The following PALS2 variants were observed in gnomAD, a reference collection of about 807,000 sequenced individuals.
The protein encoded by PALS2 is protein PALS2.
A neutral mutation model predicts 61.6 loss-of-function variants in PALS2; 27 were observed. The ratio of observed to expected loss-of-function variants is 0.44; its 90% confidence interval spans 0.32 to 0.60. The LOEUF (loss-of-function observed/expected upper bound fraction) is 0.60, where lower values mean the gene tolerates loss of function less well. Among genes scored for constraint, PALS2 ranks in the 20% least tolerant of loss-of-function variants. PALS2 has a pLI of 0.05. For missense variants in PALS2, 554 were observed against 639.4 expected (o/e 0.87, Z 1.44); for synonymous variants, 236 against 218.6 (o/e 1.08, Z -0.70).
chr7:24,632,795 G>A (rs1785055201), intron 2 of PALS2, among the ~76,000 whole-genome samples: 1 of 151,928 alleles, frequency 6.6e-6, no homozygotes, highest in Non-Finnish European at 1.5e-5. Context: ...CTGCTTGCCT[G>A]CCTGCCTTCC....
At chr7:24,673,326 A>G (rs879682108) in intron 9 of PALS2, among the ~76,000 whole-genome samples, 11 of 152,028 alleles carry the variant, frequency 7.2e-5, no homozygotes, top group Non-Finnish European at 1.3e-4. Context: ...GGATTTTTGC[A>G]TCTATATTTA....
intron 11 of PALS2, among the ~76,000 whole-genome samples, chr7:24,682,327 T>C (rs962725029): frequency 3.3e-5 from 5 of 152,182 alleles, no homozygotes; most frequent in Non-Finnish European, 2.9e-5. Flanking sequence ...TGTACCAATG[T>C]GCAGGTTGGT....
At chr7:24,679,393 G>A (rs1787798290) in intron 10 of PALS2, 60 bp downstream of exon 10, 12 of 1,554,762 alleles carry the variant, frequency 7.7e-6, no homozygotes, top group South Asian at 5.9e-5. Context: ...TTTTTTTCAT[G>A]TGTGTCGGGG....
chr7:24,646,617 T>C (rs982267413), intron 3 of PALS2, among the ~76,000 whole-genome samples: 7 of 152,208 alleles, frequency 4.6e-5, no homozygotes, highest in African/African-American at 1.7e-4. Context: ...AGTTTTCTTT[T>C]TCTGTTGTGT....
chr7:24,580,894 T>G (rs980575961), intron 1 of PALS2, among the ~76,000 whole-genome samples: 4 of 152,250 alleles, frequency 2.6e-5, no homozygotes, highest in African/African-American at 9.6e-5. Context: ...CCACACATTA[T>G]CTCATCTGCT....
chr7:24,692,729 C>T lies in PALS2; in HGVS notation c.*5115C>T, dbSNP rs917921880. 1 of 152,134 alleles carries T rather than the reference C, an allele frequency of 6.6e-6. No homozygotes were observed. The highest frequency in any genetic ancestry group is 2.4e-5 in the African/African-American group (1 of 41,426). 9.4% of individuals were successfully genotyped at this position (152,134 alleles called of 1,614,324 possible). A position where few individuals can be genotyped will look rare whatever the true frequency, so the allele number is the denominator to read the frequency against. ...CCAACCAGACCACTCACAAATCAAA[C>T]AAAATGTAAGCAAGCAATCCAGTAC... is the stretch of plus-strand genomic sequence containing the variant. On this transcript the variant is annotated 3_prime_UTR_variant, in exon 12 of 12. Transcript: ENST00000222644.
At chr7:24,612,233 C>G (rs528032000) in intron 1 of PALS2, among the ~76,000 whole-genome samples, 74 of 151,886 alleles carry the variant, frequency 4.9e-4, no homozygotes, top group Non-Finnish European at 9.3e-4. Context: ...TTTACTGAAC[C>G]CTAGGCCCAC....
chr7:24,649,197 A>G (rs1244972516), intron 3 of PALS2, among the ~76,000 whole-genome samples: 1 of 152,106 alleles, frequency 6.6e-6, no homozygotes, highest in African/African-American at 2.4e-5. Context: ...TAGCAATGTT[A>G]GGTAAAAATG....
intron 1 of PALS2, among the ~76,000 whole-genome samples, chr7:24,601,753 G>C (rs1228323509): frequency 6.6e-6 from 1 of 152,064 alleles, no homozygotes; most frequent in Non-Finnish European, 1.5e-5. Context: ...GCAGGGTAAA[G>C]AATTCCTGGG....
intron 1 of PALS2, among the ~76,000 whole-genome samples, chr7:24,601,659 GT>G (rs1562607421): frequency 6.6e-6 from 1 of 151,934 alleles, no homozygotes; most frequent in Non-Finnish European, 1.5e-5. Context: ...GAGGAAAAGT[GT>G]TTGTGGTAGG....
At chr7:24,576,479 G>A (rs531920185) in intron 1 of PALS2, among the ~76,000 whole-genome samples, 4 of 152,264 alleles carry the variant, frequency 2.6e-5, no homozygotes, top group African/African-American at 9.6e-5. Context: ...CTCAATCAAG[G>A]TGTTTAATGA....
chr7:24,610,366 A>G (rs1562612718), intron 1 of PALS2, among the ~76,000 whole-genome samples: 1 of 152,066 alleles, frequency 6.6e-6, no homozygotes, highest in Non-Finnish European at 1.5e-5. Context: ...ACATGTGTTT[A>G]TACATTTTGG....
At chr7:24,582,365 A>T (rs1319320496) in intron 1 of PALS2, among the ~76,000 whole-genome samples, 1 of 152,110 alleles carries the variant, frequency 6.6e-6, no homozygotes, top group African/African-American at 2.4e-5. Flanking sequence ...ACAGCATCCA[A>T]TCTGGTGATA....
intron 2 of PALS2, among the ~76,000 whole-genome samples, chr7:24,640,661 C>G (rs1378797094): frequency 6.6e-6 from 1 of 152,114 alleles, no homozygotes; most frequent in East Asian, 1.9e-4. Context: ...GCTTAGTGTT[C>G]ATTCTCAATT....
In PALS2 at chr7:24,660,090, C is replaced by T. The variant is rs553867343; in HGVS notation, c.652-3500C>T. Among the ~76,000 whole-genome samples the T allele has an allele frequency of 2.0e-5, 3 of 152,290 alleles. No homozygotes were observed. In the South Asian group the frequency reaches 6.2e-4, roughly 32 times the overall value. ...GATCACTATCTTCATTGCCTGATCT[C>T]GGACATCTTGAAAGACATTGTTTCA... is the stretch of plus-strand genomic sequence containing the variant. On this transcript the variant is annotated intron_variant, in intron 5 of 11. Transcript: ENST00000222644.
At chr7:24,583,519 C>T (rs1782929970) in intron 1 of PALS2, among the ~76,000 whole-genome samples, 1 of 152,092 alleles carries the variant, frequency 6.6e-6, no homozygotes, top group Non-Finnish European at 1.5e-5. Context: ...TTCACCATTA[C>T]TTTCTTGAAA....
rs2529086 is a variant in PALS2 at position 24,688,945 on chromosome 7, T to C, written c.*1331T>C. The C allele has an allele frequency of 0.51, 76,749 of 151,316 alleles. 23,010 individuals carry two copies. Among genetic ancestry groups the C allele is most frequent in the African/African-American group, 0.82 (33,889 of 41,176 alleles). The allele number at this position is 151,316 out of a possible 1,614,324, so 9.4% of individuals were successfully genotyped here. A position where few individuals can be genotyped will look rare whatever the true frequency, so the allele number is the denominator to read the frequency against. ...TCTCGTGCCTCAGCCTCCCAAGTAA[T>C]TGAGATTACAGTTGGGTGCCACCAT... On this transcript the variant is annotated 3_prime_UTR_variant, in exon 12 of 12. Coordinates refer to ENST00000222644, the MANE Select transcript of PALS2 (RefSeq NM_001303037.2).
chr7:24,628,529 G>C (rs1436790155), intron 2 of PALS2, among the ~76,000 whole-genome samples: 2 of 152,110 alleles, frequency 1.3e-5, no homozygotes, highest in African/African-American at 4.8e-5. Context: ...AGGAAATAAA[G>C]CGTATTCAAA....
intron 9 of PALS2, among the ~76,000 whole-genome samples, chr7:24,672,687 A>G (rs1787361489): frequency 6.6e-6 from 1 of 151,822 alleles, no homozygotes; most frequent in Admixed American, 6.6e-5. Flanking sequence ...TATTTTCTTA[A>G]TTTCCTTTTT....
Sources: gnomAD v4.1 joint callset for allele counts (sites outside exome capture counted in the v4.1 genomes callset) on GRCh38, gnomAD v4.1.1 for gene constraint, MANE v1.5 for transcripts, NCBI Gene and HGNC (gene_info 2026-07-23, HGNC 2026-07-21) for gene names.